AGBL1: variants seen among roughly 807,000 people sequenced by gnomAD.
AGBL1 encodes the protein AGBL carboxypeptidase 1.
In AGBL1, 130 loss-of-function variants were observed where a neutral mutation model predicts 118.9. The observed-to-expected ratio is 1.09, with a 90% CI of 0.95 to 1.26. The LOEUF is 1.26. Among genes scored for constraint, AGBL1 ranks in the 50% most tolerant of loss-of-function variants. The pLI, the probability that AGBL1 is intolerant of heterozygous loss-of-function variation, is 0.00. For synonymous variants in AGBL1, 555 were observed against 478.9 expected (o/e 1.16, Z -2.08); for missense variants, 1,584 against 1,298.1 (o/e 1.22, Z -3.38).
intron 21 of AGBL1, among the ~76,000 whole-genome samples, chr15:86,619,699 G>A (rs963038766): frequency 1.1e-4 from 17 of 152,148 alleles, no homozygotes; most frequent in Non-Finnish European, 8.8e-5. Flanking sequence ...TTAAAGGAAC[G>A]AGATCAGTAA....
At chr15:86,408,354 G>T (rs1015649828) in intron 18 of AGBL1, among the ~76,000 whole-genome samples, 6 of 152,142 alleles carry the variant, frequency 3.9e-5, no homozygotes, top group Non-Finnish European at 8.8e-5. Context: ...TCAGGCACAG[G>T]CTAGGGCAAT....
chr15:86,790,991 A>C (rs1329810706), intron 22 of AGBL1, among the ~76,000 whole-genome samples: 1 of 152,234 alleles, frequency 6.6e-6, no homozygotes, highest in African/African-American at 2.4e-5. Flanking sequence ...GGGAAAGATC[A>C]ATCTTTGTCA....
At chr15:86,322,263 A>G (rs1474036731) in intron 17 of AGBL1, among the ~76,000 whole-genome samples, 1 of 151,770 alleles carries the variant, frequency 6.6e-6, no homozygotes, top group Non-Finnish European at 1.5e-5. Flanking sequence ...TAAATCTTCC[A>G]CTACAACAAG....
chr15:86,182,885 G>A (rs2077573379), intron 5 of AGBL1, among the ~76,000 whole-genome samples: 1 of 152,164 alleles, frequency 6.6e-6, no homozygotes, highest in Non-Finnish European at 1.5e-5. Context: ...TTTCCTTGGA[G>A]AAGTAGTGTA....
intron 22 of AGBL1, among the ~76,000 whole-genome samples, chr15:86,718,196 C>G (rs979203246): frequency 6.6e-6 from 1 of 152,118 alleles, no homozygotes; most frequent in African/African-American, 2.4e-5. Context: ...TGATCGCTGC[C>G]CAGCTAGAAA....
intron 21 of AGBL1, among the ~76,000 whole-genome samples, chr15:86,556,963 C>G (rs181510240): frequency 1.4e-3 from 215 of 152,254 alleles, no homozygotes; most frequent in African/African-American, 4.8e-3. Context: ...TCATTCTTTA[C>G]AGTGACATTT....
chr15:86,320,289 T>A (rs998470229), intron 17 of AGBL1, among the ~76,000 whole-genome samples: 4 of 152,136 alleles, frequency 2.6e-5, no homozygotes, highest in Non-Finnish European at 5.9e-5. Flanking sequence ...TACAATTGGT[T>A]TCATAAAATT....
intron 8 of AGBL1, among the ~76,000 whole-genome samples, chr15:86,257,605 G>C (rs2078917198): frequency 1.3e-5 from 2 of 152,050 alleles, no homozygotes; most frequent in Admixed American, 1.3e-4. Context: ...TGATATTTAG[G>C]TTATAACACA....
At chr15:86,904,104 A>T (rs907276883) in intron 22 of AGBL1, among the ~76,000 whole-genome samples, 5 of 152,054 alleles carry the variant, frequency 3.3e-5, no homozygotes, top group Non-Finnish European at 7.4e-5. Flanking sequence ...TTCTTTCTTG[A>T]TAAGCTGCCC....
intron 22 of AGBL1, among the ~76,000 whole-genome samples, chr15:86,770,428 G>T (rs2078160746): frequency 1.3e-5 from 2 of 152,024 alleles, no homozygotes; most frequent in East Asian, 3.9e-4. Flanking sequence ...AGCTACAGCT[G>T]CTGCTAAACA....
intron 21 of AGBL1, among the ~76,000 whole-genome samples, chr15:86,629,849 GAGAA>G (rs964336573): frequency 7.9e-5 from 12 of 152,180 alleles, no homozygotes; most frequent in African/African-American, 2.4e-4. Context: ...AGGAAAAAAA[GAGAA>G]AGAAGAAAAC....
chr15:86,785,569 T>C (rs1339170503), intron 22 of AGBL1, among the ~76,000 whole-genome samples: 1 of 151,934 alleles, frequency 6.6e-6, no homozygotes, highest in African/African-American at 2.4e-5. Flanking sequence ...GGTTTCACCA[T>C]ATTGGTCAGG....
chr15:86,101,599 T>C (rs369306019), intron 1 of AGBL1, among the ~76,000 whole-genome samples: 2 of 152,244 alleles, frequency 1.3e-5, no homozygotes, highest in East Asian at 1.9e-4. Flanking sequence ...CTTGTTCAAC[T>C]AATTCCTTTA....
chr15:86,786,566 C>A (rs2078415843), intron 22 of AGBL1, among the ~76,000 whole-genome samples: 1 of 152,118 alleles, frequency 6.6e-6, no homozygotes, highest in African/African-American at 2.4e-5. Context: ...CCTCTCTATA[C>A]CCATGTCAGA....
chr15:86,372,882 C>G (rs557301837), intron 17 of AGBL1, among the ~76,000 whole-genome samples: 34 of 151,984 alleles, frequency 2.2e-4, no homozygotes, highest in Middle Eastern at 3.4e-3. Context: ...CCCTTGCTGC[C>G]CCTACAGACC....
intron 21 of AGBL1, among the ~76,000 whole-genome samples, chr15:86,637,233 G>A (rs1411003104): frequency 1.3e-5 from 2 of 152,118 alleles, no homozygotes; most frequent in Non-Finnish European, 2.9e-5. Context: ...AAAAATAGAT[G>A]TAAGAGGCAA....
At chr15:86,282,931 A>G (rs1203511393) in intron 16 of AGBL1, among the ~76,000 whole-genome samples, 1 of 152,218 alleles carries the variant, frequency 6.6e-6, no homozygotes, top group African/African-American at 2.4e-5. Context: ...ATGTTTTTCA[A>G]CGTGACTACA....
At chr15:86,513,369 G>T (rs1596209277) in intron 18 of AGBL1, among the ~76,000 whole-genome samples, 1 of 151,948 alleles carries the variant, frequency 6.6e-6, no homozygotes, top group African/African-American at 2.4e-5. Context: ...TGGCAAGGTT[G>T]TCACACAGGT....
rs549459071 is a variant in AGBL1, at chr15:86,187,001, G to A, written c.488+27975G>A. ...TGCTTATTTCCATTAATAATTTGAG[G>A]ACATTAGTCTATTATTTATACTAAC... On this transcript the variant is annotated intron_variant, in intron 5 of 22. Transcript: ENST00000614907. Among the ~76,000 whole-genome samples the A allele has an allele frequency of 1.1e-3, 175 of 152,244 alleles. 1 individual carries two copies. The highest frequency in any genetic ancestry group is 4.1e-3 in the African/African-American group (169 of 41,542).
Sources: allele counts gnomAD v4.1 joint callset (sites outside exome capture counted in the v4.1 genomes callset), GRCh38; gene constraint gnomAD v4.1.1; transcripts MANE v1.5; gene names NCBI Gene and HGNC (gene_info 2026-07-23, HGNC 2026-07-21).